The following ERMAP variants were observed in gnomAD, a reference collection of about 807,000 sequenced individuals.
ERMAP encodes the protein erythroblast membrane associated protein (Scianna blood group).
A neutral mutation model predicts 49.5 loss-of-function variants in ERMAP; 34 were observed. The observed-to-expected ratio is 0.69, with a 90% CI of 0.52 to 0.91. ERMAP has a LOEUF of 0.91. ERMAP is among the 40% of genes least tolerant of loss of function. The pLI, the probability that ERMAP is intolerant of heterozygous loss-of-function variation, is 0.00. For missense variants in ERMAP, 541 were observed against 582.6 expected, an observed-to-expected ratio of 0.93 and a Z score of 0.74; for synonymous variants, 214 against 232.2, an observed-to-expected ratio of 0.92 and a Z score of 0.71.
chr1:42,823,691 G>A (rs984734778), intron 1 of ERMAP, among the ~76,000 whole-genome samples: 1 of 152,106 alleles, frequency 6.6e-6, no homozygotes, highest in South Asian at 2.1e-4. Context: ...TTTTTTCCTC[G>A]ATAAAGTCAT....
chr1:42,840,010 G>A, intron 8 of ERMAP, 23 bp from the exon 9 acceptor site: 1 of 1,614,030 alleles, frequency 6.2e-7, no homozygotes, highest in Non-Finnish European at 8.5e-7. Flanking sequence ...CTTCTGATTT[G>A]CCAAATTGTT....
In ERMAP at chr1:42,840,054, G is replaced by A; in HGVS notation, c.658+1G>A. ...TTAGAGAAACTCCGGAGTGAACTGA[G>A]TAAGTTTCCCATGTTCTTGTAACTT... On this transcript the variant is annotated splice_donor_variant, in intron 9 of 11. Coordinates refer to ENST00000372517, the MANE Select transcript of ERMAP (RefSeq NM_001017922.2). LOFTEE classifies it high-confidence loss of function. 1 of 1,614,120 alleles carries A rather than the reference G, an allele frequency of 6.2e-7. No homozygotes were observed. Among genetic ancestry groups the A allele is most frequent in the Admixed American group, 1.7e-5 (1 of 60,018 alleles).
chr1:42,818,577 C>T (rs1654312937), intron 1 of ERMAP, among the ~76,000 whole-genome samples: 1 of 152,180 alleles, frequency 6.6e-6, no homozygotes, highest in Admixed American at 6.5e-5. Context: ...AAGCAATCCT[C>T]CCACCTCAGC....
In ERMAP at chr1:42,830,805, A is replaced by G. The variant is rs1450876652; in HGVS notation, c.123A>G (p.Leu41=). ...AGDAGKFHVA[L]LGGTAELLCP... ...ATGCCGGCAAGTTCCACGTGGCCCT[A>G]CTAGGGGGCACAGCCGAGCTGCTCT... The change falls in exon 4 of 12, where the codon CTA becomes CTG. Residue 41 remains leucine, a synonymous_variant. Coordinates refer to ENST00000372517, the MANE Select transcript of ERMAP (RefSeq NM_001017922.2). The G allele has an allele frequency of 1.3e-6, 2 of 1,572,972 alleles. No individual in the cohort carries two copies. The highest frequency in any genetic ancestry group is 3.8e-5 in the Admixed American group (2 of 52,872).
At chr1:42,824,132 C>G (rs1221073463) in intron 1 of ERMAP, among the ~76,000 whole-genome samples, 1 of 151,912 alleles carries the variant, frequency 6.6e-6, no homozygotes, top group Admixed American at 6.6e-5. Flanking sequence ...ATCACAAGGT[C>G]AGGAGATCAA....
At chr1:42,832,277 G>T (rs34052572) in intron 4 of ERMAP, among the ~76,000 whole-genome samples, 1 of 134,808 alleles carries the variant, frequency 7.4e-6, no homozygotes. Flanking sequence ...CTGCAACTTC[G>T]CCTCCTGGGT....
chr1:42,838,697 C>A (rs35761132), intron 7 of ERMAP, among the ~76,000 whole-genome samples: 22,987 of 152,124 alleles, frequency 0.15, 1,953 homozygotes, highest in Admixed American at 0.19. Context: ...GAACCAAAGT[C>A]CCGGGCAGGC....
chr1:42,837,504 T>G (rs1654936434), intron 7 of ERMAP, among the ~76,000 whole-genome samples: 1 of 152,150 alleles, frequency 6.6e-6, no homozygotes, highest in Non-Finnish European at 1.5e-5. Flanking sequence ...TGTGGTCATA[T>G]GGGATATATG....
At chr1:42,830,295 G>C in intron 2 of ERMAP, 149 bp from the exon 3 acceptor site, 1 of 642,698 alleles carries the variant, frequency 1.6e-6, no homozygotes, top group South Asian at 1.9e-5. Flanking sequence ...AGTATCACAA[G>C]GAGGTAAGTA....
rs749587424 is a variant in ERMAP at position 42,842,997 on chromosome 1, G to T, written c.1193G>T (p.Cys398Phe). 1.9e-6 allele frequency: 3 copies of T among 1,614,096 alleles called. No individual in the cohort carries two copies. In the South Asian group the frequency reaches 3.3e-5, roughly 18 times the overall value. The change falls in exon 12 of 12, where the codon TGC becomes TTC. Residue 398 changes from cysteine to phenylalanine, a missense_variant. Transcript: ENST00000372517. Reference protein sequence around the residue: ...SGPLRPFFEPCLHDGGKNTAP... With the variant: ...SGPLRPFFEPFLHDGGKNTAP... ...CCCCTTCGCCCTTTCTTTGAACCTTGCCTTCATGATGGAGGAAAAAACACA... is the reference window on the plus strand; with the variant it reads ...CCCCTTCGCCCTTTCTTTGAACCTTTCCTTCATGATGGAGGAAAAAACACA...
chr1:42,828,901 G>A (rs1654633623), intron 2 of ERMAP, among the ~76,000 whole-genome samples: 1 of 152,146 alleles, frequency 6.6e-6, no homozygotes, highest in African/African-American at 2.4e-5. Context: ...GGTTAGCTTG[G>A]AGCTCTGGGT....
intron 1 of ERMAP, 79 bp downstream of exon 1, chr1:42,817,332 G>T (rs941661741): frequency 9.9e-7 from 1 of 1,014,490 alleles, no homozygotes; most frequent in South Asian, 1.6e-5. Context: ...GCCGCGCGCC[G>T]GGGGGAGGGG....
intron 6 of ERMAP, 93 bp from the exon 7 acceptor site, chr1:42,837,065 T>G: frequency 7.6e-7 from 1 of 1,307,286 alleles, no homozygotes; most frequent in Non-Finnish European, 1.1e-6. Flanking sequence ...AAGATAGAGG[T>G]GGACAGGTCC....
At chr1:42,827,008 TA>T (rs1338261879) in intron 2 of ERMAP, among the ~76,000 whole-genome samples, 1 of 152,166 alleles carries the variant, frequency 6.6e-6, no homozygotes, top group Non-Finnish European at 1.5e-5. Context: ...GTCCTCAATA[TA>T]GAATTATTTT....
At chr1:42,832,069 G>A (rs1259443619) in intron 4 of ERMAP, among the ~76,000 whole-genome samples, 1 of 151,848 alleles carries the variant, frequency 6.6e-6, no homozygotes, top group African/African-American at 2.4e-5. Flanking sequence ...TTATCTTTTG[G>A]TCATAATTTG....
chr1:42,829,289 T>A (rs943636593), intron 2 of ERMAP, among the ~76,000 whole-genome samples: 1 of 152,224 alleles, frequency 6.6e-6, no homozygotes, highest in East Asian at 1.9e-4. Flanking sequence ...AAAATGAGAA[T>A]GTGTTCAACG....
In ERMAP at chr1:42,844,271, G is replaced by C. The variant is rs572038036; in HGVS notation, c.*1039G>C. ...GATGAAATAATGACCTTGATTTTTG[G>C]GTGTGTATTGCAGAAGCCTCGTCGC... On this transcript the variant is annotated 3_prime_UTR_variant, in exon 12 of 12. Coordinates refer to ENST00000372517, the MANE Select transcript of ERMAP (RefSeq NM_001017922.2). This position sits in a 1 kb window ranked among gnomAD's most constrained non-coding sequence, Gnocchi z 4.0. The C allele has an allele frequency of 1.5e-5, 6 of 396,522 alleles. No individual in the cohort carries two copies. The South Asian group carries it at 8.5e-4, about 56-fold the overall frequency. 24.6% of individuals were successfully genotyped at this position (396,522 alleles called of 1,614,324 possible). A position where few individuals can be genotyped will look rare whatever the true frequency, so the allele number is the denominator to read the frequency against.
intron 4 of ERMAP, among the ~76,000 whole-genome samples, chr1:42,833,483 T>C (rs550616434): frequency 7.9e-5 from 12 of 152,336 alleles, no homozygotes; most frequent in Admixed American, 5.2e-4. Flanking sequence ...CCCATGTCCC[T>C]AAGTAATATG....
At chr1:42,835,622 T>TGACATTTG in intron 5 of ERMAP, 110 bp from the exon 6 acceptor site, 1 of 1,403,994 alleles carries the variant, frequency 7.1e-7, no homozygotes, top group Non-Finnish European at 9.8e-7. Context: ...CGCTTACCTG[T>TGACATTTG]AGTGACAAGG....
Sources: allele counts gnomAD v4.1 joint callset (sites outside exome capture counted in the v4.1 genomes callset), GRCh38; gene constraint gnomAD v4.1.1; non-coding constraint Gnocchi (gnomAD v3.1); transcripts MANE v1.5; gene names NCBI Gene and HGNC (gene_info 2026-07-23, HGNC 2026-07-21).